Variants in MYO3B observed in about 807,000 individuals in gnomAD.
MYO3B encodes myosin IIIB.
A neutral mutation model predicts 174.6 loss-of-function variants in MYO3B; 156 were observed. That is an observed-to-expected ratio of 0.89 (90% CI 0.78 to 1.02). The LOEUF is 1.02. Among genes scored for constraint, MYO3B ranks in the 50% least tolerant of loss-of-function variants. MYO3B has a pLI of 0.00. For synonymous variants in MYO3B, 563 were observed against 569.1 expected (o/e 0.99, Z 0.15); for missense variants, 1,632 against 1,639.4 (o/e 1.00, Z 0.08).
intron 22 of MYO3B, among the ~76,000 whole-genome samples, chr2:170,426,079 A>T (rs1263405466): frequency 6.8e-6 from 1 of 148,076 alleles, no homozygotes; most frequent in Non-Finnish European, 1.5e-5. Flanking sequence ...TTAATCTCTG[A>T]TTTTTTTTTT....
chr2:170,558,742 G>A (rs562190342), intron 32 of MYO3B, among the ~76,000 whole-genome samples: 2 of 152,300 alleles, frequency 1.3e-5, no homozygotes, highest in South Asian at 4.2e-4. Context: ...GTTCATGGAT[G>A]ATGGTCCCAT....
intron 32 of MYO3B, among the ~76,000 whole-genome samples, chr2:170,621,915 T>A (rs539820024): frequency 4.6e-4 from 70 of 152,236 alleles, no homozygotes; most frequent in African/African-American, 1.7e-3. Context: ...TTCCCACCTG[T>A]CCCCTAGATT....
intron 25 of MYO3B, among the ~76,000 whole-genome samples, chr2:170,474,717 T>C: frequency 8.7e-6 from 1 of 114,846 alleles, no homozygotes; most frequent in Admixed American, 1.3e-4. Flanking sequence ...CACTCCAGCC[T>C]GGGTGACAAG....
chr2:170,549,020 G>A (rs1690713776), intron 32 of MYO3B, among the ~76,000 whole-genome samples: 1 of 152,198 alleles, frequency 6.6e-6, no homozygotes. Context: ...AGTAAAAGAA[G>A]TGGGTTTGAG....
At chr2:170,403,654 C>A (rs112498010) in intron 19 of MYO3B, among the ~76,000 whole-genome samples, 1 of 152,122 alleles carries the variant, frequency 6.6e-6, no homozygotes, top group East Asian at 1.9e-4. Flanking sequence ...TAAGCCTCTT[C>A]GATGCAGGGA....
At position 170,638,783 on chromosome 2, in the gene MYO3B, C is replaced by T. The variant is rs574085047; in HGVS notation, c.3734-12845C>T. Among the ~76,000 whole-genome samples, 5 of 152,316 alleles carry T rather than the reference C, an allele frequency of 3.3e-5. No homozygotes were observed. In the East Asian group the frequency reaches 9.6e-4, roughly 29 times the overall value. On this transcript the variant is annotated intron_variant, in intron 32 of 34. Transcript: ENST00000408978. ...TGTAATTTGCCACACCAATGTTCTC[C>T]ATTAAAAATTACTACCTCAGTCCAC...
intron 22 of MYO3B, among the ~76,000 whole-genome samples, chr2:170,432,313 T>C (rs1441155105): frequency 6.6e-6 from 1 of 152,162 alleles, no homozygotes; most frequent in Non-Finnish European, 1.5e-5. Flanking sequence ...GTGATATTGA[T>C]TATCCTGAAA....
Position 170,273,751 on chromosome 2 carries a change from C to T in MYO3B, c.749+37615C>T, listed in dbSNP as rs962095430. Among the ~76,000 whole-genome samples the T allele has an allele frequency of 1.7e-4, 26 of 151,978 alleles. 1 individual carries two copies. Among genetic ancestry groups the T allele is most frequent in the Admixed American group, 1.6e-3 (25 of 15,258 alleles). Reference sequence around the variant, plus strand: ...CAAACCCGTCAAGCAGGATTGGACTCGTGTAATTATCACATAAAGTTGGTC... The same window carrying T: ...CAAACCCGTCAAGCAGGATTGGACTTGTGTAATTATCACATAAAGTTGGTC... On this transcript the variant is annotated intron_variant, in intron 7 of 34. Coordinates refer to ENST00000408978, the MANE Select transcript of MYO3B (RefSeq NM_138995.5).
intron 7 of MYO3B, among the ~76,000 whole-genome samples, chr2:170,331,316 T>A (rs949272107): frequency 6.6e-6 from 1 of 152,164 alleles, no homozygotes; most frequent in Non-Finnish European, 1.5e-5. Flanking sequence ...CATGAGGTCA[T>A]ATTTTTATGT....
chr2:170,202,527 C>T lies in MYO3B; in HGVS notation c.321+2243C>T, dbSNP rs538112954. On this transcript the variant is annotated intron_variant, in intron 3 of 34. Transcript: ENST00000408978. Reference sequence around the variant, plus strand: ...GACAGAGGCCCACAGAAGTGAGTAACATGCCTATGGTCACATAATTGGTTG... The same window carrying T: ...GACAGAGGCCCACAGAAGTGAGTAATATGCCTATGGTCACATAATTGGTTG... Among the ~76,000 whole-genome samples the T allele has an allele frequency of 1.3e-4, 20 of 152,336 alleles. No homozygotes were observed. In the South Asian group the frequency reaches 3.9e-3, roughly 30 times the overall value.
At chr2:170,263,522 G>A (rs551664533) in intron 7 of MYO3B, among the ~76,000 whole-genome samples, 298 of 152,204 alleles carry the variant, frequency 2.0e-3, no homozygotes, top group Non-Finnish European at 2.7e-3. Flanking sequence ...GTAATAGTGG[G>A]GAGAGGGTCA....
At chr2:170,280,240 T>C (rs2093497955) in intron 7 of MYO3B, among the ~76,000 whole-genome samples, 1 of 152,226 alleles carries the variant, frequency 6.6e-6, no homozygotes, top group African/African-American at 2.4e-5. Context: ...TTCATATGAT[T>C]ATTGGCTGCA....
intron 9 of MYO3B, among the ~76,000 whole-genome samples, chr2:170,380,227 T>C (rs562053975): frequency 6.6e-5 from 10 of 152,270 alleles, no homozygotes; most frequent in Admixed American, 5.9e-4. Flanking sequence ...ATTTACAGTA[T>C]GTAGGACAGT....
chr2:170,271,515 A>T (rs975175785), intron 7 of MYO3B, among the ~76,000 whole-genome samples: 2 of 152,182 alleles, frequency 1.3e-5, no homozygotes, highest in Admixed American at 1.3e-4. Flanking sequence ...CAAAGTTGAT[A>T]CTTTGATATT....
chr2:170,320,887 A>T (rs2093820890), intron 7 of MYO3B, among the ~76,000 whole-genome samples: 1 of 152,140 alleles, frequency 6.6e-6, no homozygotes. Context: ...AAAAATCAAA[A>T]TGGAAATTGA....
chr2:170,411,777 A>G (rs1430027390), intron 22 of MYO3B: 1 of 152,266 alleles, frequency 6.6e-6, no homozygotes. Flanking sequence ...ACCAGGAGAC[A>G]GGGCTCCTCC....
At chr2:170,265,026 A>T (rs1315576063) in intron 7 of MYO3B, among the ~76,000 whole-genome samples, 2 of 152,192 alleles carry the variant, frequency 1.3e-5, no homozygotes, top group African/African-American at 2.4e-5. Flanking sequence ...GCAGAGTTTT[A>T]AAAAGCCTTT....
intron 7 of MYO3B, among the ~76,000 whole-genome samples, chr2:170,236,356 A>G (rs1306651814): frequency 6.6e-6 from 1 of 152,174 alleles, no homozygotes; most frequent in Non-Finnish European, 1.5e-5. Flanking sequence ...TGTTGGAACA[A>G]TTGCCTATTT....
At chr2:170,253,727 A>G (rs1408458312) in intron 7 of MYO3B, among the ~76,000 whole-genome samples, 1 of 152,130 alleles carries the variant, frequency 6.6e-6, no homozygotes, top group Non-Finnish European at 1.5e-5. Flanking sequence ...TAAGAGAAGA[A>G]TAAGGGTAGT....
Sources: gnomAD v4.1 joint callset for allele counts (sites outside exome capture counted in the v4.1 genomes callset) on GRCh38, gnomAD v4.1.1 for gene constraint, MANE v1.5 for transcripts, NCBI Gene and HGNC (gene_info 2026-07-23, HGNC 2026-07-21) for gene names.